KAZN: variants seen among roughly 807,000 people sequenced by gnomAD.
KAZN encodes the protein kazrin, periplakin interacting protein, also known as kazrin.
KAZN carries 40 observed loss-of-function variants against 87.4 expected under a neutral mutation model. That is an observed-to-expected ratio of 0.46 (90% CI 0.36 to 0.60). The LOEUF is 0.60. Among genes scored for constraint, KAZN ranks in the 20% least tolerant of loss-of-function variants. KAZN has a pLI of 0.00. For missense variants in KAZN, 898 were observed against 1,073.9 expected, an observed-to-expected ratio of 0.84 and a Z score of 2.29; for synonymous variants, 466 against 458.3, an observed-to-expected ratio of 1.02 and a Z score of -0.22.
At chr1:15,062,618 T>A (rs1429725240) in intron 6 of KAZN, 1 of 152,526 alleles carries the variant, frequency 6.6e-6, no homozygotes, top group Non-Finnish European at 1.5e-5. Context: ...ATAGAGAGGT[T>A]GGAGAAGGTT....
chr1:14,882,966 C>G (rs773368639), intron 1 of KAZN, among the ~76,000 whole-genome samples: 1 of 152,164 alleles, frequency 6.6e-6, no homozygotes, highest in South Asian at 2.1e-4. Flanking sequence ...ACATCTCTCT[C>G]CAGAGCTGCT....
At chr1:14,563,114 G>T (rs548144458) in intron 2 of KAZN, among the ~76,000 whole-genome samples, 16 of 152,348 alleles carry the variant, frequency 1.1e-4, no homozygotes, top group African/African-American at 3.8e-4. Flanking sequence ...TCCCTGCACA[G>T]ATGTGAAATC....
chr1:15,067,882 A>T (rs1350278152), intron 8 of KAZN: 1 of 950,532 alleles, frequency 1.1e-6, no homozygotes, highest in Non-Finnish European at 1.2e-6. Context: ...GTTGATTTTT[A>T]TCATTTTCCC....
intron 2 of KAZN, among the ~76,000 whole-genome samples, chr1:15,002,907 T>C (rs556147983): frequency 3.3e-5 from 5 of 151,426 alleles, no homozygotes; most frequent in Admixed American, 2.0e-4. Context: ...ACTCAGGAGG[T>C]GGAGGTTACA....
chr1:14,444,720 T>C (rs1030470599), intron 2 of KAZN, among the ~76,000 whole-genome samples: 4 of 152,102 alleles, frequency 2.6e-5, no homozygotes, highest in Non-Finnish European at 4.4e-5. Flanking sequence ...CTGGAGTGCA[T>C]GAGATTTCTT....
intron 1 of KAZN, among the ~76,000 whole-genome samples, chr1:14,099,942 C>T (rs1204203768): frequency 6.6e-6 from 1 of 152,170 alleles, no homozygotes; most frequent in Non-Finnish European, 1.5e-5. Context: ...CCTTCCCTCC[C>T]TTCCTCTCTT....
In KAZN at chr1:14,311,240, C is replaced by T. The variant is rs1272178406; in HGVS notation, c.249+130648C>T. Among the ~76,000 whole-genome samples, 5 of 152,138 alleles carry T rather than the reference C, an allele frequency of 3.3e-5. No homozygotes were observed. The East Asian group carries it at 9.6e-4, about 29-fold the overall frequency. On this transcript the variant is annotated intron_variant, in intron 2 of 16. Transcript: ENST00000636203. The stretch of plus-strand genomic sequence containing the variant: ...CATTCAGATAGATCTGGATCTGAGT[C>T]TAGCCCTTACCACTTATTAGCTATG...
At chr1:14,217,390 T>G (rs1306211131) in intron 2 of KAZN, among the ~76,000 whole-genome samples, 1 of 151,618 alleles carries the variant, frequency 6.6e-6, no homozygotes, top group East Asian at 1.9e-4. Context: ...AAATAAAAAC[T>G]ACAACCCACT....
At chr1:14,318,943 A>AAG (rs1655844453) in intron 2 of KAZN, among the ~76,000 whole-genome samples, 1 of 151,788 alleles carries the variant, frequency 6.6e-6, no homozygotes, top group Non-Finnish European at 1.5e-5. Flanking sequence ...GTTAAAAACA[A>AAG]CTTTTAAAAT....
intron 3 of KAZN, among the ~76,000 whole-genome samples, chr1:15,041,719 C>T (rs941302097): frequency 9.2e-5 from 14 of 152,026 alleles, no homozygotes; most frequent in Admixed American, 2.6e-4. Context: ...ATCCAAGGCC[C>T]CATGAGGTCT....
At chr1:15,109,355 C>T (rs879410891) in intron 13 of KAZN, among the ~76,000 whole-genome samples, 2 of 152,026 alleles carry the variant, frequency 1.3e-5, no homozygotes, top group Admixed American at 1.3e-4. Context: ...GGCAACAGAG[C>T]GAGACCCTCG....
rs1432005612 is a variant in KAZN, at chr1:15,117,951, C to T, written c.*3316C>T. 1.3e-5 allele frequency: 2 copies of T among 152,254 alleles called. No homozygotes were observed. Among genetic ancestry groups the T allele is most frequent in the Non-Finnish European group, 2.9e-5 (2 of 68,050 alleles). The allele number at this position is 152,254 out of a possible 1,614,324, so 9.4% of individuals were successfully genotyped here. On this transcript the variant is annotated 3_prime_UTR_variant, in exon 15 of 15. Coordinates refer to ENST00000376030, the MANE Select transcript of KAZN (RefSeq NM_201628.3). ...TGGCTGCAGAGGAAATGGGTTGGCT[C>T]TGAACAAAGATGCAGTTTCTAGGGC...
At chr1:14,536,877 C>A (rs565510627) in intron 2 of KAZN, among the ~76,000 whole-genome samples, 1 of 151,426 alleles carries the variant, frequency 6.6e-6, no homozygotes, top group African/African-American at 2.4e-5. Context: ...AGCGAAACTC[C>A]GTCTCAAAAA....
chr1:14,603,480 T>C (rs1677131675), intron 1 of KAZN, among the ~76,000 whole-genome samples: 1 of 152,210 alleles, frequency 6.6e-6, no homozygotes, highest in Non-Finnish European at 1.5e-5. Flanking sequence ...CAGTACAGTG[T>C]GGTTGAAATT....
At chr1:14,943,737 G>C (rs1661408396) in intron 1 of KAZN, among the ~76,000 whole-genome samples, 1 of 152,230 alleles carries the variant, frequency 6.6e-6, no homozygotes, top group South Asian at 2.1e-4. Flanking sequence ...TAGCTGCTTA[G>C]ACGGCATCGC....
intron 2 of KAZN, among the ~76,000 whole-genome samples, chr1:14,544,758 T>G (rs1426878889): frequency 1.4e-4 from 21 of 150,646 alleles, no homozygotes; most frequent in Non-Finnish European, 3.1e-4. Flanking sequence ...AAAAAAAAGA[T>G]TGGGTCTCAC....
chr1:14,473,904 G>A (rs534944321), intron 2 of KAZN, among the ~76,000 whole-genome samples: 12 of 152,248 alleles, frequency 7.9e-5, no homozygotes, highest in African/African-American at 2.6e-4. Flanking sequence ...TCAAATGCTG[G>A]CACCTCTGAA....
At chr1:14,885,548 A>C (rs1572728999) in intron 1 of KAZN, among the ~76,000 whole-genome samples, 1 of 151,992 alleles carries the variant, frequency 6.6e-6, no homozygotes. Flanking sequence ...GGGTCTCACT[A>C]TGTTGCCCAG....
intron 1 of KAZN, among the ~76,000 whole-genome samples, chr1:14,737,129 T>C: frequency 6.6e-6 from 1 of 152,126 alleles, no homozygotes; most frequent in East Asian, 1.9e-4. Flanking sequence ...CCAGCCTCAC[T>C]GAGGAGGTAA....
Sources: allele counts gnomAD v4.1 joint callset (sites outside exome capture counted in the v4.1 genomes callset), GRCh38; gene constraint gnomAD v4.1.1; transcripts MANE v1.5; gene names NCBI Gene and HGNC (gene_info 2026-07-23, HGNC 2026-07-21).